FYB1: variants seen among roughly 807,000 people sequenced by gnomAD.
The protein encoded by FYB1 is FYN-binding protein 1.
A neutral mutation model predicts 94.1 loss-of-function variants in FYB1; 41 were observed. The observed-to-expected ratio is 0.44, with a 90% CI of 0.34 to 0.57. The LOEUF is 0.57. FYB1 is among the 20% of genes least tolerant of loss of function. FYB1 has a pLI of 0.02. For synonymous variants in FYB1, 367 were observed against 353.2 expected (o/e 1.04, Z -0.44); for missense variants, 1,050 against 976.8 (o/e 1.07, Z -1.00).
chr5:39,259,610 A>G (rs1752132211), intron 1 of FYB1, among the ~76,000 whole-genome samples: 1 of 152,254 alleles, frequency 6.6e-6, no homozygotes. Flanking sequence ...TGAACTCAAC[A>G]AAATCATCCA....
chr5:39,244,375 C>T (rs890641319), intron 1 of FYB1, among the ~76,000 whole-genome samples: 2 of 150,270 alleles, frequency 1.3e-5, no homozygotes, highest in Admixed American at 1.3e-4. Context: ...TTGTCAAAGG[C>T]CTTTTCTGCG....
chr5:39,167,065 A>G (rs1234339162), intron 2 of FYB1, among the ~76,000 whole-genome samples: 1 of 152,152 alleles, frequency 6.6e-6, no homozygotes, highest in African/African-American at 2.4e-5. Flanking sequence ...TGCAAAGGTA[A>G]TTGCGGTTTT....
intron 1 of FYB1, among the ~76,000 whole-genome samples, chr5:39,249,367 T>C (rs1037824024): frequency 2.0e-5 from 3 of 152,192 alleles, no homozygotes; most frequent in Admixed American, 6.5e-5. Context: ...TCTGCTCTTG[T>C]AGTATGAGGG....
intron 7 of FYB1, among the ~76,000 whole-genome samples, chr5:39,137,230 C>T (rs1021594783): frequency 6.6e-6 from 1 of 152,066 alleles, no homozygotes; most frequent in Non-Finnish European, 1.5e-5. Flanking sequence ...CCAATGCCCC[C>T]CTATAATACA....
intron 16 of FYB1, among the ~76,000 whole-genome samples, chr5:39,118,437 A>G (rs1739765855): frequency 6.6e-6 from 1 of 152,320 alleles, no homozygotes; most frequent in Middle Eastern, 3.4e-3. Flanking sequence ...GACACTGTCT[A>G]CTTTAGCACA....
chr5:39,148,158 TATATATATATATA>T (rs1561175424), intron 3 of FYB1, among the ~76,000 whole-genome samples: 238 of 5,188 alleles, frequency 0.046, 2 homozygotes, highest in Non-Finnish European at 0.079. Context: ...GTATTTTTTA[TATATATATATATA>T]TATATATATA....
At chr5:39,178,760 T>C (rs1167116933) in intron 2 of FYB1, among the ~76,000 whole-genome samples, 1 of 152,192 alleles carries the variant, frequency 6.6e-6, no homozygotes, top group East Asian at 1.9e-4. Context: ...TTTAAAGAAA[T>C]ATCACCTGGG....
intron 17 of FYB1, 132 bp from the exon 18 acceptor site, chr5:39,108,394 T>C: frequency 1.3e-6 from 1 of 750,404 alleles, no homozygotes; most frequent in Admixed American, 3.4e-5. Flanking sequence ...TATGCATTTA[T>C]AAGTAGAAAT....
upstream of FYB1, among the ~76,000 whole-genome samples, chr5:39,223,748 A>G (rs1194925278): frequency 6.6e-6 from 1 of 152,218 alleles, no homozygotes; most frequent in Non-Finnish European, 1.5e-5. Flanking sequence ...GTGCAATACA[A>G]GGAGATAAAA....
intron 1 of FYB1, among the ~76,000 whole-genome samples, chr5:39,243,676 A>G (rs890608389): frequency 5.3e-5 from 8 of 152,182 alleles, no homozygotes; most frequent in African/African-American, 1.9e-4. Context: ...AATTCTGTGA[A>G]GAAAGTCATT....
At chr5:39,180,645 CT>C (rs1170696446) in intron 2 of FYB1, among the ~76,000 whole-genome samples, 1 of 152,128 alleles carries the variant, frequency 6.6e-6, no homozygotes, top group Non-Finnish European at 1.5e-5. Flanking sequence ...GCAAAAGATG[CT>C]AATGCTGTTG....
At chr5:39,188,044 C>G (rs534814631) in intron 2 of FYB1, among the ~76,000 whole-genome samples, 1 of 152,206 alleles carries the variant, frequency 6.6e-6, no homozygotes, top group Admixed American at 6.5e-5. Context: ...GAACACGTCA[C>G]CACTCTTCCA....
intron 1 of FYB1, among the ~76,000 whole-genome samples, chr5:39,241,778 AG>A (rs1751217240): frequency 6.6e-6 from 1 of 152,094 alleles, no homozygotes; most frequent in African/African-American, 2.4e-5. Context: ...TGTATTGGAA[AG>A]GAGCCTCATG....
At chr5:39,233,129 T>C (rs1346982868) in intron 1 of FYB1, among the ~76,000 whole-genome samples, 1 of 152,206 alleles carries the variant, frequency 6.6e-6, no homozygotes, top group Non-Finnish European at 1.5e-5. Flanking sequence ...TCTAGATCCC[T>C]GAGGAATCGC....
intron 1 of FYB1, among the ~76,000 whole-genome samples, chr5:39,209,797 G>C (rs1169571830): frequency 6.6e-6 from 1 of 152,174 alleles, no homozygotes; most frequent in Non-Finnish European, 1.5e-5. Context: ...AATATGCATT[G>C]AACGTACTGG....
chr5:39,108,529 T>C (rs1378569141), intron 17 of FYB1, among the ~76,000 whole-genome samples: 6 of 152,102 alleles, frequency 3.9e-5, no homozygotes, highest in Non-Finnish European at 8.8e-5. Flanking sequence ...TTATAAGACA[T>C]GTTTGTTAAC....
At chr5:39,129,841 A>G (rs1741023693) in intron 10 of FYB1, among the ~76,000 whole-genome samples, 1 of 152,096 alleles carries the variant, frequency 6.6e-6, no homozygotes, top group Admixed American at 6.6e-5. Context: ...TCATACAGTC[A>G]TTATGGAGAT....
Position 39,134,278 on chromosome 5 carries a change from C to G in FYB1, c.1747G>C (p.Ala583Pro). 1 of 1,609,870 alleles carries G rather than the reference C, an allele frequency of 6.2e-7. No individual in the cohort carries two copies. Among genetic ancestry groups the G allele is most frequent in the African/African-American group, 1.3e-5 (1 of 74,938 alleles). The stretch of plus-strand genomic sequence containing the variant: ...TCATCTTCAATAGGTCTTGAAGGGG[C>G]ACCAAGAGAGTCTTTTTTCAGTTTC... Reference protein sequence around the residue: ...SLKLKKDSLGAPSRPIEDDQE... With the variant: ...SLKLKKDSLGPPSRPIEDDQE... The change falls in exon 9 of 19, where the codon GCC (alanine) becomes CCC (proline). Residue 583 changes from alanine to proline, a missense_variant. Coordinates refer to ENST00000512982, the MANE Select transcript of FYB1 (RefSeq NM_001465.6).
At chr5:39,122,517 C>A in intron 13 of FYB1, 115 bp from the exon 14 acceptor site, 1 of 618,026 alleles carries the variant, frequency 1.6e-6, no homozygotes, top group African/African-American at 1.9e-5. Context: ...ATAAGTTGTC[C>A]TAGTGTCTCG....
Sources: gnomAD v4.1 joint callset for allele counts (sites outside exome capture counted in the v4.1 genomes callset) on GRCh38, gnomAD v4.1.1 for gene constraint, MANE v1.5 for transcripts, NCBI Gene and HGNC (gene_info 2026-07-23, HGNC 2026-07-21) for gene names.